The following SEMA5A variants were observed in gnomAD, a reference collection of about 807,000 sequenced individuals.
SEMA5A encodes semaphorin 5A, also known as semaphorin-5A.
A neutral mutation model predicts 135.5 loss-of-function variants in SEMA5A; 55 were observed. The ratio of observed to expected loss-of-function variants is 0.41; its 90% CI spans 0.33 to 0.51. The LOEUF is 0.51. SEMA5A is among the 20% of genes least tolerant of loss of function. SEMA5A has a pLI of 0.37. For synonymous variants in SEMA5A, 580 were observed against 546.5 expected, an observed-to-expected ratio of 1.06 and a Z score of -0.85; for missense variants, 1,290 against 1,419.9, an observed-to-expected ratio of 0.91 and a Z score of 1.47.
intron 11 of SEMA5A, among the ~76,000 whole-genome samples, chr5:9,158,846 A>C (rs757748059): frequency 6.7e-4 from 102 of 152,220 alleles, no homozygotes; most frequent in Non-Finnish European, 4.3e-4. Flanking sequence ...AATTACATGA[A>C]AACATCATTA....
intron 11 of SEMA5A, among the ~76,000 whole-genome samples, chr5:9,173,489 T>G (rs62343367): frequency 0.098 from 14,967 of 152,006 alleles, 1,216 homozygotes; most frequent in African/African-American, 0.2. Flanking sequence ...ATTTGATGTC[T>G]GGTCACAGCC....
intron 5 of SEMA5A, among the ~76,000 whole-genome samples, chr5:9,284,060 T>C (rs1378729751): frequency 2.6e-5 from 4 of 151,134 alleles, no homozygotes; most frequent in African/African-American, 9.8e-5. Flanking sequence ...AAATGATAGA[T>C]AACAGATGAT....
chr5:9,430,952 G>GA (rs144853358), intron 2 of SEMA5A, among the ~76,000 whole-genome samples: 18 of 148,696 alleles, frequency 1.2e-4, no homozygotes, highest in Admixed American at 8.0e-4. Flanking sequence ...ATTCCTATTG[G>GA]AAAAAAAAAT....
chr5:9,472,504 T>C (rs186000632), intron 1 of SEMA5A, among the ~76,000 whole-genome samples: 1 of 152,328 alleles, frequency 6.6e-6, no homozygotes, highest in African/African-American at 2.4e-5. Context: ...TATTGTTCTA[T>C]AGACACAGAA....
intron 17 of SEMA5A, among the ~76,000 whole-genome samples, chr5:9,065,915 A>G (rs1737438817): frequency 6.6e-6 from 1 of 152,206 alleles, no homozygotes; most frequent in Non-Finnish European, 1.5e-5. Context: ...CAAGGGATTT[A>G]CTCAATTATA....
At chr5:9,192,068 C>T (rs1355826839) in intron 10 of SEMA5A, among the ~76,000 whole-genome samples, 155 of 68,318 alleles carry the variant, frequency 2.3e-3, no homozygotes, top group Non-Finnish European at 3.8e-3. Context: ...GTGAAGGGCT[C>T]AGCCCTGCCA....
chr5:9,208,705 C>T (rs148673174), intron 8 of SEMA5A, among the ~76,000 whole-genome samples: 41 of 152,162 alleles, frequency 2.7e-4, no homozygotes, highest in East Asian at 7.7e-4. Context: ...ATCAACAGGA[C>T]GGGAGGTGGA....
At chr5:9,315,854 T>A (rs1752366179) in intron 5 of SEMA5A, among the ~76,000 whole-genome samples, 1 of 152,158 alleles carries the variant, frequency 6.6e-6, no homozygotes, top group African/African-American at 2.4e-5. Flanking sequence ...AAGTTATAAG[T>A]TTTCCTGTTG....
At chr5:9,481,503 T>C (rs1406857686) in intron 1 of SEMA5A, among the ~76,000 whole-genome samples, 1 of 152,154 alleles carries the variant, frequency 6.6e-6, no homozygotes, top group Non-Finnish European at 1.5e-5. Flanking sequence ...AAGAAGAATA[T>C]ATAAACCAAC....
At chr5:9,392,460 G>T (rs1420293182) in intron 2 of SEMA5A, among the ~76,000 whole-genome samples, 1 of 152,116 alleles carries the variant, frequency 6.6e-6, no homozygotes, top group African/African-American at 2.4e-5. Flanking sequence ...TACCTTCAAA[G>T]AAGGTAAATT....
intron 1 of SEMA5A, among the ~76,000 whole-genome samples, chr5:9,454,402 T>C (rs1758756196): frequency 6.6e-6 from 1 of 152,232 alleles, no homozygotes; most frequent in Non-Finnish European, 1.5e-5. Flanking sequence ...ACCAAGGCTA[T>C]TAACTTGAAC....
At chr5:9,126,950 C>T (rs1741147401) in intron 13 of SEMA5A, among the ~76,000 whole-genome samples, 1 of 152,272 alleles carries the variant, frequency 6.6e-6, no homozygotes, top group East Asian at 1.9e-4. Context: ...GGTTAAATGT[C>T]AGCAGGTCAT....
chr5:9,341,205 TAC>T (rs113319079), intron 3 of SEMA5A, among the ~76,000 whole-genome samples: 135 of 144,206 alleles, frequency 9.4e-4, no homozygotes, highest in South Asian at 2.6e-3. Flanking sequence ...CACACACACA[TAC>T]ACACACACAC....
At chr5:9,463,339 C>G (rs898256627) in intron 1 of SEMA5A, among the ~76,000 whole-genome samples, 2 of 152,078 alleles carry the variant, frequency 1.3e-5, no homozygotes, top group African/African-American at 4.8e-5. Context: ...AAAACAAAAC[C>G]CTCCATACAC....
At chr5:9,286,699 C>G (rs551489458) in intron 5 of SEMA5A, among the ~76,000 whole-genome samples, 152 of 140,990 alleles carry the variant, frequency 1.1e-3, no homozygotes, top group African/African-American at 3.8e-3. Flanking sequence ...TAATCTCTCT[C>G]TCCCTTACAC....
chr5:9,111,957 A>G (rs991642742), intron 15 of SEMA5A, among the ~76,000 whole-genome samples: 1 of 152,046 alleles, frequency 6.6e-6, no homozygotes, highest in Non-Finnish European at 1.5e-5. Context: ...GGGTTTTAAA[A>G]TTAATTGTGG....
At chr5:9,127,810 C>T (rs1741197879) in intron 13 of SEMA5A, among the ~76,000 whole-genome samples, 1 of 152,060 alleles carries the variant, frequency 6.6e-6, no homozygotes, top group African/African-American at 2.4e-5. Context: ...AAGGAAATGA[C>T]CAGGGAGGTT....
intron 11 of SEMA5A, among the ~76,000 whole-genome samples, chr5:9,179,090 A>G (rs1744363795): frequency 6.6e-6 from 1 of 152,228 alleles, no homozygotes; most frequent in Non-Finnish European, 1.5e-5. Flanking sequence ...TTATAATACC[A>G]TCATCTCAAA....
intron 16 of SEMA5A, among the ~76,000 whole-genome samples, chr5:9,084,156 T>C (rs1738549600): frequency 6.6e-6 from 1 of 152,236 alleles, no homozygotes; most frequent in African/African-American, 2.4e-5. Context: ...GCAAATGTTA[T>C]TTTTTAATAA....
Sources: allele counts gnomAD v4.1 joint callset (sites outside exome capture counted in the v4.1 genomes callset), GRCh38; gene constraint gnomAD v4.1.1; transcripts MANE v1.5; gene names NCBI Gene and HGNC (gene_info 2026-07-23, HGNC 2026-07-21).